Variants in CDYL observed in about 807,000 individuals in gnomAD.
The protein encoded by CDYL is chromodomain Y like.
CDYL carries 8 observed loss-of-function variants against 47.3 expected under a neutral mutation model. The ratio of observed to expected loss-of-function variants is 0.17; its 90% confidence interval spans 0.10 to 0.31. The LOEUF (loss-of-function observed/expected upper bound fraction) is 0.31, where lower values mean the gene tolerates loss of function less well. CDYL is among the 10% of genes least tolerant of loss of function. CDYL has a pLI of 1.00. For missense variants in CDYL, 471 were observed against 701.4 expected (o/e 0.67, Z 3.71); for synonymous variants, 266 against 265.0 (o/e 1.00, Z -0.04).
At chr6:4,943,836 C>T in intron 5 of CDYL, 80 bp downstream of exon 5, 1 of 1,111,038 alleles carries the variant, frequency 9.0e-7, no homozygotes, top group South Asian at 1.6e-5. Context: ...TATTGTTTTT[C>T]TAAAGCTGTA....
chr6:4,730,867 C>T (rs928295425), intron 2 of CDYL, among the ~76,000 whole-genome samples: 2 of 152,204 alleles, frequency 1.3e-5, no homozygotes, highest in African/African-American at 2.4e-5. Flanking sequence ...TGGTGACTTT[C>T]CTCTGCACAC....
rs1561697519 is a variant in CDYL at position 4,900,794 on chromosome 6, T to TCTATATCTATATAGATATAG, written c.691+8415_691+8416insCTATATCTATATAGATATAG. On this transcript the variant is annotated intron_variant, in intron 2 of 6. Transcript: ENST00000397588. Reference sequence around the variant, plus strand: ...GTATACGTGTGTATATATATATATATATATATATATATATATATATATATA... The same window carrying TCTATATCTATATAGATATAG: ...GTATACGTGTGTATATATATATATATCTATATCTATATAGATATAGATATATATATATATATATATATATA... Among the ~76,000 whole-genome samples, 59 of 60,364 alleles carry TCTATATCTATATAGATATAG rather than the reference T, an allele frequency of 9.8e-4. 2 individuals carry two copies. The highest frequency in any genetic ancestry group is 3.8e-3 in the African/African-American group (54 of 14,134). The allele number at this position is 60,364 out of a possible 152,430, so 39.6% of individuals were successfully genotyped here.
In CDYL at chr6:4,864,631, G is replaced by T. The variant is rs925855462; in HGVS notation, c.25-27082G>T. On this transcript the variant is annotated intron_variant, in intron 1 of 6. Coordinates refer to ENST00000397588, the MANE Select transcript of CDYL (RefSeq NM_004824.4). ...GAATCATGGGGCCGGTTTTTCTCATGCTGTGTTGTGACACTGAATAAGTCT... is the reference window on the plus strand; with the variant it reads ...GAATCATGGGGCCGGTTTTTCTCATTCTGTGTTGTGACACTGAATAAGTCT... Among the ~76,000 whole-genome samples, 3 of 152,218 alleles carry T rather than the reference G, an allele frequency of 2.0e-5. No individual in the cohort carries two copies. The South Asian group carries it at 6.2e-4, about 32-fold the overall frequency.
intron 1 of CDYL, among the ~76,000 whole-genome samples, chr6:4,871,926 G>A (rs1437682493): frequency 1.3e-5 from 2 of 152,346 alleles, no homozygotes; most frequent in Non-Finnish European, 1.5e-5. Flanking sequence ...GGTTGGAAGA[G>A]GTCCTGCCTC....
At chr6:4,782,721 TCA>T (rs1267124764) in intron 1 of CDYL, among the ~76,000 whole-genome samples, 1 of 152,236 alleles carries the variant, frequency 6.6e-6, no homozygotes, top group Admixed American at 6.5e-5. Context: ...CATCTGATTC[TCA>T]GAGGGATATA....
chr6:4,788,480 C>CAAAAAAAAAAAAAAAAAAAAAAAAAAAAA (rs1220969716), intron 1 of CDYL, among the ~76,000 whole-genome samples: 1 of 61,064 alleles, frequency 1.6e-5, no homozygotes, highest in Non-Finnish European at 2.8e-5. Flanking sequence ...GAGACTCTGT[C>CAAAAAAAAAAAAAAAAAAAAAAAAAAAAA]AAAAAAAAAA....
chr6:4,803,700 A>G (rs1340684455), intron 1 of CDYL, among the ~76,000 whole-genome samples: 1 of 145,946 alleles, frequency 6.9e-6, no homozygotes, highest in Admixed American at 6.8e-5. Flanking sequence ...GCCTCGGGAT[A>G]TCTCCTGGCT....
chr6:4,836,720 G>A (rs1327848318), intron 1 of CDYL, among the ~76,000 whole-genome samples: 1 of 152,242 alleles, frequency 6.6e-6, no homozygotes, highest in Non-Finnish European at 1.5e-5. Context: ...GAATTTAGGG[G>A]CTGTTTCAGG....
intron 6 of CDYL, among the ~76,000 whole-genome samples, chr6:4,952,979 G>A (rs1336369960): frequency 2.6e-5 from 4 of 151,864 alleles, no homozygotes; most frequent in Non-Finnish European, 5.9e-5. Context: ...CGTTGGCCAG[G>A]CTGGTCTCGA....
At chr6:4,780,733 G>GA (rs981634629) in intron 1 of CDYL, among the ~76,000 whole-genome samples, 14 of 151,732 alleles carry the variant, frequency 9.2e-5, no homozygotes, top group African/African-American at 2.7e-4. Context: ...TTTTAAAGAG[G>GA]AAAAAAAACC....
intron 2 of CDYL, among the ~76,000 whole-genome samples, chr6:4,927,427 ACG>A (rs1757908626): frequency 1.9e-5 from 1 of 51,820 alleles, no homozygotes; most frequent in Admixed American, 2.2e-4. Context: ...AATTTACTGT[ACG>A]TGTGTGTGTG....
At chr6:4,927,698 G>A (rs1057048915) in intron 2 of CDYL, among the ~76,000 whole-genome samples, 1 of 152,108 alleles carries the variant, frequency 6.6e-6, no homozygotes, top group Non-Finnish European at 1.5e-5. Flanking sequence ...TTGATTCCAG[G>A]CGTGAGCCAA....
At chr6:4,845,516 C>T (rs989605006) in intron 1 of CDYL, among the ~76,000 whole-genome samples, 12 of 152,154 alleles carry the variant, frequency 7.9e-5, no homozygotes, top group Admixed American at 2.0e-4. Flanking sequence ...TGAGCTTTTA[C>T]GATATTATTA....
intron 3 of CDYL, among the ~76,000 whole-genome samples, chr6:4,744,639 T>C (rs573048455): frequency 6.6e-6 from 1 of 152,328 alleles, no homozygotes; most frequent in Admixed American, 6.5e-5. Context: ...ACTAAATTCT[T>C]TACATACCTT....
At chr6:4,720,862 C>G (rs868290673) in intron 2 of CDYL, among the ~76,000 whole-genome samples, 7 of 152,152 alleles carry the variant, frequency 4.6e-5, no homozygotes, top group Admixed American at 1.3e-4. Context: ...CCTAGGTAGC[C>G]TATTTACTAA....
chr6:4,947,649 C>T (rs1758565094), intron 5 of CDYL, among the ~76,000 whole-genome samples: 1 of 152,194 alleles, frequency 6.6e-6, no homozygotes, highest in Non-Finnish European at 1.5e-5. Context: ...CTAAACCTCT[C>T]TCTTCACCCT....
chr6:4,903,534 C>T (rs1489866171), intron 2 of CDYL, among the ~76,000 whole-genome samples: 1 of 152,172 alleles, frequency 6.6e-6, no homozygotes, highest in Non-Finnish European at 1.5e-5. Flanking sequence ...ACTTCAACAA[C>T]AAGTGAAATA....
At chr6:4,948,808 C>T (rs1192190521) in intron 5 of CDYL, among the ~76,000 whole-genome samples, 1 of 152,234 alleles carries the variant, frequency 6.6e-6, no homozygotes, top group Admixed American at 6.5e-5. Context: ...ACTTTCTGAG[C>T]AGAGTATCTG....
At chr6:4,890,705 C>T (rs545032348) in intron 1 of CDYL, among the ~76,000 whole-genome samples, 122 of 152,312 alleles carry the variant, frequency 8.0e-4, no homozygotes, top group Non-Finnish European at 1.4e-3. Flanking sequence ...CCTGACCTAC[C>T]TCTAACTGCC....
Sources: gnomAD v4.1 joint callset for allele counts (sites outside exome capture counted in the v4.1 genomes callset) on GRCh38, gnomAD v4.1.1 for gene constraint, MANE v1.5 for transcripts, NCBI Gene and HGNC (gene_info 2026-07-23, HGNC 2026-07-21) for gene names.